CNTN6: variants seen among roughly 807,000 people sequenced by gnomAD.
CNTN6 encodes contactin-6.
CNTN6 carries 137 observed loss-of-function variants against 122.8 expected under a neutral mutation model. The observed-to-expected ratio is 1.12, with a 90% CI of 0.97 to 1.29. The LOEUF is 1.29. Among genes scored for constraint, CNTN6 ranks in the 50% most tolerant of loss-of-function variants. The pLI is 0.00. For missense variants in CNTN6, 1,634 were observed against 1,223.4 expected (o/e 1.34, Z -5.01); for synonymous variants, 570 against 426.0 (o/e 1.34, Z -4.16).
At chr3:1,173,197 A>T (rs1330093269) in intron 2 of CNTN6, 1 of 456,324 alleles carries the variant, frequency 2.2e-6, no homozygotes, top group East Asian at 6.9e-5. Flanking sequence ...TATTTGTTTC[A>T]TCCTAGAAAA....
chr3:1,188,261 C>T (rs1407382398), intron 2 of CNTN6, among the ~76,000 whole-genome samples: 1 of 152,176 alleles, frequency 6.6e-6, no homozygotes, highest in Non-Finnish European at 1.5e-5. Flanking sequence ...TCATTTAAGA[C>T]TTCTCCCCTC....
At chr3:1,226,828 T>G (rs2094290243) in intron 3 of CNTN6, among the ~76,000 whole-genome samples, 1 of 152,178 alleles carries the variant, frequency 6.6e-6, no homozygotes, top group African/African-American at 2.4e-5. Context: ...TAGCAATGAG[T>G]GAGAAAAGAT....
At chr3:1,282,424 A>G (rs1259520456) in intron 5 of CNTN6, among the ~76,000 whole-genome samples, 2 of 152,222 alleles carry the variant, frequency 1.3e-5, no homozygotes, top group Admixed American at 1.3e-4. Context: ...CTATTTTATC[A>G]TTTCAAAATG....
chr3:1,334,023 C>A lies in CNTN6; in HGVS notation c.1364+4088C>A, dbSNP rs534966491. 3.0e-4 allele frequency among the ~76,000 whole-genome samples: 45 copies of A among 152,178 alleles called. No individual in the cohort carries two copies. In the South Asian group the frequency reaches 8.7e-3, roughly 29 times the overall value. ...AACATGTTTCTTATTAGCCTATGTGCCATAATTGAAGTCTTGGCTGTTTTA... is the reference window on the plus strand; with the variant it reads ...AACATGTTTCTTATTAGCCTATGTGACATAATTGAAGTCTTGGCTGTTTTA... On this transcript the variant is annotated intron_variant, in intron 11 of 22. Coordinates refer to ENST00000446702, the MANE Select transcript of CNTN6 (RefSeq NM_001289080.2).
chr3:1,261,282 A>C (rs368490784), intron 4 of CNTN6, among the ~76,000 whole-genome samples: 1 of 152,188 alleles, frequency 6.6e-6, no homozygotes, highest in African/African-American at 2.4e-5. Flanking sequence ...TGGTATTCTC[A>C]GAAGTATGGT....
Position 1,364,373 on chromosome 3 carries a change from G to T in CNTN6, c.1493-7926G>T, listed in dbSNP as rs182366688. On this transcript the variant is annotated intron_variant, in intron 12 of 22. Transcript: ENST00000446702. ...TAAATAAAGGAAGAGCCCCATGTTT[G>T]TACAGGAGGAAGAGTTTGATAATTT... Among the ~76,000 whole-genome samples, 108 of 151,910 alleles carry T rather than the reference G, an allele frequency of 7.1e-4. 1 individual carries two copies. Among genetic ancestry groups the T allele is most frequent in the African/African-American group, 2.5e-3 (102 of 41,506 alleles).
intron 7 of CNTN6, among the ~76,000 whole-genome samples, chr3:1,306,087 T>G (rs1424745080): frequency 6.6e-6 from 1 of 152,206 alleles, no homozygotes; most frequent in African/African-American, 2.4e-5. Context: ...TTTTGGTTTA[T>G]TGAATTAATC....
chr3:1,323,355 T>C (rs1001654261), intron 8 of CNTN6, among the ~76,000 whole-genome samples: 2 of 151,774 alleles, frequency 1.3e-5, no homozygotes, highest in Non-Finnish European at 1.5e-5. Flanking sequence ...AACATGGTGG[T>C]CTAAGCTCAT....
intron 4 of CNTN6, among the ~76,000 whole-genome samples, chr3:1,246,096 CA>C (rs1301976785): frequency 6.6e-6 from 1 of 152,026 alleles, no homozygotes; most frequent in Admixed American, 6.6e-5. Context: ...CAGAAAAGTA[CA>C]AAAAACATGA....
intron 2 of CNTN6, among the ~76,000 whole-genome samples, chr3:1,155,611 G>C (rs2125211002): frequency 6.6e-6 from 1 of 152,206 alleles, no homozygotes; most frequent in South Asian, 2.1e-4. Context: ...GTTTGTTCAG[G>C]GAGTAGAACA....
chr3:1,336,433 A>G, intron 11 of CNTN6, among the ~76,000 whole-genome samples: 1 of 152,150 alleles, frequency 6.6e-6, no homozygotes, highest in South Asian at 2.1e-4. Context: ...ATTTACAGAG[A>G]ATCAAACTGA....
At chr3:1,281,509 A>G (rs1235237613) in intron 5 of CNTN6, among the ~76,000 whole-genome samples, 1 of 149,222 alleles carries the variant, frequency 6.7e-6, no homozygotes, top group East Asian at 2.0e-4. Flanking sequence ...CTGTTGCCTA[A>G]GCTGGAGTGC....
intron 20 of CNTN6, among the ~76,000 whole-genome samples, chr3:1,387,967 C>T (rs577324371): frequency 7.2e-5 from 11 of 152,168 alleles, no homozygotes; most frequent in South Asian, 2.1e-4. Flanking sequence ...AACTGCAAGG[C>T]GGCAGCGAGG....
chr3:1,304,093 C>T (rs887933677), intron 7 of CNTN6, among the ~76,000 whole-genome samples: 1 of 152,278 alleles, frequency 6.6e-6, no homozygotes, highest in East Asian at 1.9e-4. Flanking sequence ...TCAGCCTCTC[C>T]AAATCTTATC....
intron 2 of CNTN6, among the ~76,000 whole-genome samples, chr3:1,189,582 ATT>A (rs1300950610): frequency 6.6e-6 from 1 of 152,198 alleles, no homozygotes; most frequent in African/African-American, 2.4e-5. Flanking sequence ...ATATGAAATA[ATT>A]TTGGACTGTT....
Position 1,253,289 on chromosome 3 carries a change from T to C in CNTN6, c.359-25124T>C, listed in dbSNP as rs138513962. Among the ~76,000 whole-genome samples the C allele has an allele frequency of 1.1e-3, 170 of 152,302 alleles. 1 individual carries two copies. The highest frequency in any genetic ancestry group is 3.8e-3 in the African/African-American group (159 of 41,570). On this transcript the variant is annotated intron_variant, in intron 4 of 22. Transcript: ENST00000446702. The stretch of plus-strand genomic sequence containing the variant: ...AAAGAAGAAACGCATACATTTTTAT[T>C]ATTCATTCTTTTATCTCACTAGTCT...
chr3:1,099,414 A>G lies in CNTN6; in HGVS notation c.-83+6294A>G, dbSNP rs184070645. 4.5e-3 allele frequency among the ~76,000 whole-genome samples: 678 copies of G among 152,254 alleles called. 5 individuals carry two copies. Among genetic ancestry groups the G allele is most frequent in the African/African-American group, 8.7e-3 (360 of 41,550 alleles). ...TGCAGTGAGCCGAGATTGAGCCATTACACTCCAGCCTGGGTGACAGAGCCA... is the reference window on the plus strand; with the variant it reads ...TGCAGTGAGCCGAGATTGAGCCATTGCACTCCAGCCTGGGTGACAGAGCCA... On this transcript the variant is annotated intron_variant, in intron 1 of 22. Transcript: ENST00000446702.
intron 20 of CNTN6, among the ~76,000 whole-genome samples, chr3:1,398,209 C>T (rs1695226102): frequency 6.6e-6 from 1 of 152,112 alleles, no homozygotes; most frequent in Non-Finnish European, 1.5e-5. Flanking sequence ...TAGATATTTG[C>T]AATCCAGTTT....
chr3:1,174,649 A>G (rs997907829), intron 2 of CNTN6, among the ~76,000 whole-genome samples: 2 of 150,836 alleles, frequency 1.3e-5, no homozygotes, highest in African/African-American at 5.0e-5. Flanking sequence ...AGTCCACACT[A>G]ATCTCCTAAA....
Sources: gnomAD v4.1 joint callset for allele counts (sites outside exome capture counted in the v4.1 genomes callset) on GRCh38, gnomAD v4.1.1 for gene constraint, MANE v1.5 for transcripts, NCBI Gene and HGNC (gene_info 2026-07-23, HGNC 2026-07-21) for gene names.